The following HAPLN1 variants were observed in gnomAD, a reference collection of about 807,000 sequenced individuals.
The protein encoded by HAPLN1 is hyaluronan and proteoglycan link protein 1.
HAPLN1 carries 13 observed loss-of-function variants against 36.5 expected under a neutral mutation model. The ratio of observed to expected loss-of-function variants is 0.36; its 90% CI spans 0.23 to 0.57. The LOEUF (loss-of-function observed/expected upper bound fraction) is 0.57. Ranked by LOEUF, HAPLN1 falls within the 20% of genes least tolerant of loss-of-function variation. The probability of loss-of-function intolerance (pLI) is 0.83; values close to 1 mark genes in which losing one functional copy is unlikely to be tolerated. For missense variants in HAPLN1, 407 were observed against 439.7 expected, an observed-to-expected ratio of 0.93 and a Z score of 0.66; for synonymous variants, 202 against 169.8, an observed-to-expected ratio of 1.19 and a Z score of -1.48.
At position 83,641,554 on chromosome 5, in the gene HAPLN1, C is replaced by G. The variant is rs749059809; in HGVS notation, c.1007G>C (p.Gly336Ala). 10 of 1,613,906 alleles carry G rather than the reference C, an allele frequency of 6.2e-6. No homozygotes were observed. In the East Asian group the frequency reaches 1.6e-4, roughly 25 times the overall value. Residue 336 changes from glycine (G) to alanine (A), a missense_variant, in exon 5 of 5, where the codon GGT becomes GCT. Gly to Ala is a moderately conservative substitution (Grantham distance 60). Coordinates refer to ENST00000274341, the MANE Select transcript of HAPLN1 (RefSeq NM_001884.4). ...SPTEAAVRFVGFPDKKHKLYG... is the reference protein window; with the variant it reads ...SPTEAAVRFVAFPDKKHKLYG... ...CAGCTTATGCTTTTTATCTGGGAAA[C>G]CCACGAAGCGCACTGCAGCCTCAGT... is the stretch of plus-strand genomic sequence containing the variant.
At chr5:83,720,281 A>C (rs549763311) in intron 1 of HAPLN1, among the ~76,000 whole-genome samples, 1 of 152,340 alleles carries the variant, frequency 6.6e-6, no homozygotes, top group Non-Finnish European at 1.5e-5. Flanking sequence ...TGGGCCAAAA[A>C]TGGCAACATT....
At chr5:83,689,882 T>C (rs1020257699) in intron 1 of HAPLN1, among the ~76,000 whole-genome samples, 2 of 152,152 alleles carry the variant, frequency 1.3e-5, no homozygotes, top group African/African-American at 4.8e-5. Flanking sequence ...TGGATTTATA[T>C]AGAATTTTTC....
At chr5:83,663,447 A>G (rs1005931941) in intron 2 of HAPLN1, among the ~76,000 whole-genome samples, 2 of 151,958 alleles carry the variant, frequency 1.3e-5, no homozygotes, top group Non-Finnish European at 2.9e-5. Flanking sequence ...TACTAGGTCC[A>G]TCTCCTTCCC....
chr5:83,688,619 T>C (rs1751193417), intron 1 of HAPLN1, among the ~76,000 whole-genome samples: 1 of 151,432 alleles, frequency 6.6e-6, no homozygotes, highest in African/African-American at 2.4e-5. Context: ...TGTGCTAGTA[T>C]TTGCCAAATG....
intron 1 of HAPLN1, among the ~76,000 whole-genome samples, chr5:83,700,220 C>T (rs1174877350): frequency 6.0e-5 from 9 of 150,368 alleles, no homozygotes; most frequent in Non-Finnish European, 1.0e-4. Flanking sequence ...AAAAGACAAC[C>T]ACCACCACCA....
chr5:83,654,681 A>C (rs1004503632), intron 2 of HAPLN1, among the ~76,000 whole-genome samples: 1 of 152,242 alleles, frequency 6.6e-6, no homozygotes, highest in Non-Finnish European at 1.5e-5. Context: ...ACATAGCTAA[A>C]ATAGGTCTCA....
intron 3 of HAPLN1, among the ~76,000 whole-genome samples, chr5:83,651,605 A>C (rs1750065100): frequency 6.6e-6 from 1 of 152,264 alleles, no homozygotes; most frequent in Non-Finnish European, 1.5e-5. Context: ...ATCTGTCCTC[A>C]GGGGTAAAAG....
chr5:83,677,864 C>G (rs912084206), intron 1 of HAPLN1, among the ~76,000 whole-genome samples: 2 of 152,170 alleles, frequency 1.3e-5, no homozygotes, highest in Non-Finnish European at 1.5e-5. Flanking sequence ...ATCTCAGAGA[C>G]AGATAAATCC....
chr5:83,676,881 T>C (rs758607428), intron 1 of HAPLN1, among the ~76,000 whole-genome samples: 2 of 152,188 alleles, frequency 1.3e-5, no homozygotes, highest in African/African-American at 2.4e-5. Flanking sequence ...AACTGAAATG[T>C]CTATGTTCAT....
At chr5:83,661,318 G>T (rs1750381066) in intron 2 of HAPLN1, among the ~76,000 whole-genome samples, 1 of 151,402 alleles carries the variant, frequency 6.6e-6, no homozygotes, top group African/African-American at 2.4e-5. Flanking sequence ...TTCCTTGGGG[G>T]TTTCAGACAG....
At chr5:83,670,565 T>A (rs1244424007) in intron 2 of HAPLN1, among the ~76,000 whole-genome samples, 1 of 152,248 alleles carries the variant, frequency 6.6e-6, no homozygotes, top group Non-Finnish European at 1.5e-5. Context: ...TAAGTCTTTT[T>A]CCATGGGAAG....
At chr5:83,669,381 C>A (rs1188989627) in intron 2 of HAPLN1, among the ~76,000 whole-genome samples, 2 of 152,048 alleles carry the variant, frequency 1.3e-5, no homozygotes, top group Non-Finnish European at 2.9e-5. Flanking sequence ...CACCTGTAAT[C>A]CCAGCTACTT....
At chr5:83,715,314 A>G (rs1051373706) in intron 1 of HAPLN1, among the ~76,000 whole-genome samples, 2 of 152,244 alleles carry the variant, frequency 1.3e-5, no homozygotes, top group African/African-American at 4.8e-5. Flanking sequence ...TCAAGAAATC[A>G]ATAAACCAGA....
Position 83,658,930 on chromosome 5 carries a change from T to C in HAPLN1, c.101-6106A>G, listed in dbSNP as rs554171767. On this transcript the variant is annotated intron_variant, in intron 2 of 4. Transcript: ENST00000274341. ...GAAAGGAAGACGGTAAGAAAGGTAG[T>C]AGAAAAATGATCTCATTCTTGCCTT... is the stretch of plus-strand genomic sequence containing the variant. Among the ~76,000 whole-genome samples the C allele has an allele frequency of 6.6e-5, 10 of 152,238 alleles. No homozygotes were observed. The South Asian group carries it at 1.9e-3, about 28-fold the overall frequency.
chr5:83,695,232 T>C (rs1160980548), intron 1 of HAPLN1, among the ~76,000 whole-genome samples: 3 of 152,090 alleles, frequency 2.0e-5, no homozygotes, highest in Non-Finnish European at 4.4e-5. Context: ...TTCAAACAAT[T>C]CTCCTGCCTC....
intron 1 of HAPLN1, among the ~76,000 whole-genome samples, chr5:83,712,456 C>T (rs1056693019): frequency 1.3e-5 from 2 of 151,940 alleles, no homozygotes; most frequent in African/African-American, 4.8e-5. Flanking sequence ...TGATGGCATT[C>T]TCAGGATAAT....
intron 1 of HAPLN1, among the ~76,000 whole-genome samples, chr5:83,715,082 G>A (rs1182266629): frequency 6.6e-6 from 1 of 152,218 alleles, no homozygotes; most frequent in Admixed American, 6.5e-5. Flanking sequence ...CACACAGGGA[G>A]TGGAGATAAC....
At chr5:83,649,914 AACAG>A (rs1452983587) in intron 3 of HAPLN1, among the ~76,000 whole-genome samples, 6 of 152,248 alleles carry the variant, frequency 3.9e-5, no homozygotes, top group Non-Finnish European at 5.9e-5. Flanking sequence ...GATCATGTTT[AACAG>A]ACAAAGAAGT....
chr5:83,663,660 C>T (rs1467504492), intron 2 of HAPLN1, among the ~76,000 whole-genome samples: 1 of 152,122 alleles, frequency 6.6e-6, no homozygotes, highest in Non-Finnish European at 1.5e-5. Flanking sequence ...ATCTGTTCTC[C>T]CAGTCTTTCT....
Sources: allele counts gnomAD v4.1 joint callset (sites outside exome capture counted in the v4.1 genomes callset), GRCh38; gene constraint gnomAD v4.1.1; transcripts MANE v1.5; gene names NCBI Gene and HGNC (gene_info 2026-07-23, HGNC 2026-07-21).